Variants in THNSL1 observed in about 807,000 individuals in gnomAD.
THNSL1 encodes the protein threonine synthase like 1.
A neutral mutation model predicts 50.4 loss-of-function variants in THNSL1; 48 were observed. The ratio of observed to expected loss-of-function variants is 0.95; its 90% confidence interval spans 0.76 to 1.21. The LOEUF (loss-of-function observed/expected upper bound fraction) is 1.21, where lower values mean the gene tolerates loss of function less well. Ranked by LOEUF, THNSL1 falls within the 50% of genes most tolerant of loss-of-function variation. THNSL1 has a pLI of 0.00. For synonymous variants in THNSL1, 309 were observed against 306.1 expected, an observed-to-expected ratio of 1.01 and a Z score of -0.10; for missense variants, 896 against 871.7, an observed-to-expected ratio of 1.03 and a Z score of -0.35.
At chr10:25,008,250 A>G in the THNSL1 span, among the ~76,000 whole-genome samples, 3 of 152,146 alleles carry the variant, frequency 2.0e-5, no homozygotes, top group Non-Finnish European at 1.5e-5. Flanking sequence ...ATGACAAACA[A>G]AAAGAGACTT....
chr10:24,990,734 A>T, the THNSL1 span: 1 of 930,848 alleles, frequency 1.1e-6, no homozygotes, highest in Non-Finnish European at 1.5e-6. Flanking sequence ...AAAACCCTGT[A>T]AATTGACAAA....
upstream of THNSL1, among the ~76,000 whole-genome samples, chr10:25,015,190 C>A (rs1232204906): frequency 2.6e-5 from 4 of 152,144 alleles, no homozygotes; most frequent in Non-Finnish European, 5.9e-5. Flanking sequence ...TTCCTTTGCA[C>A]GTTTTTGAGA....
At chr10:24,988,296 G>T in the THNSL1 span, among the ~76,000 whole-genome samples, 1 of 139,258 alleles carries the variant, frequency 7.2e-6, no homozygotes, top group Admixed American at 7.3e-5. Flanking sequence ...ATTTATATAT[G>T]TATATATATT....
rs374690994 is a variant in THNSL1 at position 25,024,735 on chromosome 10, C to G, written c.1512C>G (p.Val504=). 1 of 1,614,170 alleles carries G rather than the reference C, an allele frequency of 6.2e-7. No individual in the cohort carries two copies. Among genetic ancestry groups the G allele is most frequent in the Non-Finnish European group, 8.5e-7 (1 of 1,180,026 alleles). ...GFISFGSPVD[V]CIPTGNFGNI... is the part of the protein sequence containing the mutation. ...TTTCTTTTGGAAGCCCAGTCGATGT[C>G]TGTATTCCCACAGGAAACTTTGGTA... The change falls in exon 3 of 3, where the codon GTC becomes GTG. Residue 504 remains valine (V), a synonymous_variant. Coordinates refer to ENST00000376356, the MANE Select transcript of THNSL1 (RefSeq NM_024838.5).
the THNSL1 span, among the ~76,000 whole-genome samples, chr10:24,963,838 G>A: frequency 1.3e-5 from 2 of 152,158 alleles, no homozygotes; most frequent in Non-Finnish European, 2.9e-5. Flanking sequence ...AACGTCTGAA[G>A]ATTAATGGAG....
intron 2 of THNSL1, among the ~76,000 whole-genome samples, chr10:25,022,385 A>C (rs568095100): frequency 1.3e-5 from 2 of 152,334 alleles, no homozygotes; most frequent in Admixed American, 1.3e-4. Context: ...TAGAAACAAA[A>C]GTGATGGTTC....
chr10:24,980,443 T>C, the THNSL1 span, among the ~76,000 whole-genome samples: 1 of 152,196 alleles, frequency 6.6e-6, no homozygotes, highest in East Asian at 1.9e-4. Context: ...TGGTATTCTC[T>C]TGCATAGCAT....
At chr10:25,000,989 G>A in the THNSL1 span, among the ~76,000 whole-genome samples, 1 of 151,994 alleles carries the variant, frequency 6.6e-6, no homozygotes, top group African/African-American at 2.4e-5. Flanking sequence ...AAGAATACTT[G>A]CATCCAACCC....
chr10:24,989,822 A>AT, the THNSL1 span, among the ~76,000 whole-genome samples: 4 of 152,232 alleles, frequency 2.6e-5, no homozygotes, highest in Non-Finnish European at 5.9e-5. Flanking sequence ...CAGTATGACT[A>AT]TAAAAAGTAC....
chr10:24,952,998 T>G, the THNSL1 span, among the ~76,000 whole-genome samples: 1 of 151,912 alleles, frequency 6.6e-6, no homozygotes. This position sits in a 1 kb window ranked among gnomAD's most constrained non-coding sequence, Gnocchi z 5.1. Context: ...GATTCCCAGA[T>G]CCACCGTCCC....
chr10:24,976,135 C>T, the THNSL1 span, among the ~76,000 whole-genome samples: 1 of 152,178 alleles, frequency 6.6e-6, no homozygotes, highest in African/African-American at 2.4e-5. Context: ...GTTAGAACGA[C>T]TGCTCCTAAG....
At chr10:24,993,486 C>T in the THNSL1 span, among the ~76,000 whole-genome samples, 1 of 152,128 alleles carries the variant, frequency 6.6e-6, no homozygotes, top group Non-Finnish European at 1.5e-5. Context: ...GATCATCTAT[C>T]CTTGCTTGTT....
At chr10:24,997,436 G>T in the THNSL1 span, among the ~76,000 whole-genome samples, 1 of 150,222 alleles carries the variant, frequency 6.7e-6, no homozygotes, top group Non-Finnish European at 1.5e-5. Flanking sequence ...ACCCAGGCTG[G>T]AGTGCAGTGA....
chr10:24,953,671 G>A, the THNSL1 span, among the ~76,000 whole-genome samples: 3 of 152,102 alleles, frequency 2.0e-5, no homozygotes, highest in African/African-American at 7.2e-5. Flanking sequence ...AGCCCAATTC[G>A]GGTCGAAGCC....
At chr10:24,959,909 T>C in the THNSL1 span, among the ~76,000 whole-genome samples, 1 of 152,238 alleles carries the variant, frequency 6.6e-6, no homozygotes, top group Non-Finnish European at 1.5e-5. Context: ...GGAATTTAAA[T>C]GAAAATGGCT....
At chr10:24,990,186 C>T in the THNSL1 span, among the ~76,000 whole-genome samples, 5 of 152,052 alleles carry the variant, frequency 3.3e-5, no homozygotes, top group African/African-American at 9.7e-5. Flanking sequence ...CATGCATGTT[C>T]GTTGTAGAGG....
the THNSL1 span, among the ~76,000 whole-genome samples, chr10:24,973,309 C>A: frequency 0.046 from 6,929 of 151,764 alleles, 475 homozygotes; most frequent in African/African-American, 0.15. Flanking sequence ...ACAGCCTCGT[C>A]GACTAAGTGA....
At chr10:25,003,846 G>A in the THNSL1 span, among the ~76,000 whole-genome samples, 1 of 152,098 alleles carries the variant, frequency 6.6e-6, no homozygotes, top group Non-Finnish European at 1.5e-5. Context: ...CCTCCGATAG[G>A]CCCCAGGGTG....
At chr10:24,969,917 G>T in the THNSL1 span, among the ~76,000 whole-genome samples, 7 of 152,300 alleles carry the variant, frequency 4.6e-5, no homozygotes, top group Admixed American at 3.3e-4. Context: ...ACACGGAAAA[G>T]AAAAAGAGTC....
Sources: allele counts gnomAD v4.1 joint callset (sites outside exome capture counted in the v4.1 genomes callset), GRCh38; gene constraint gnomAD v4.1.1; non-coding constraint Gnocchi (gnomAD v3.1); transcripts MANE v1.5; gene names NCBI Gene and HGNC (gene_info 2026-07-23, HGNC 2026-07-21).